Variants in MAPT observed in about 807,000 individuals in gnomAD.
MAPT encodes microtubule associated protein tau.
In MAPT, 34 loss-of-function variants were observed where a neutral mutation model predicts 67.9. That is an observed-to-expected ratio of 0.50 (90% CI 0.38 to 0.67). The LOEUF (loss-of-function observed/expected upper bound fraction) is 0.67, where lower values mean the gene tolerates loss of function less well. MAPT is among the 30% of genes least tolerant of loss of function. The pLI is 0.00. For synonymous variants in MAPT, 456 were observed against 464.5 expected (o/e 0.98, Z 0.23); for missense variants, 881 against 1,115.2 (o/e 0.79, Z 2.99).
At chr17:45,974,441 C>T in intron 3 of MAPT, 2 of 1,609,500 alleles carry the variant, frequency 1.2e-6, no homozygotes, top group Non-Finnish European at 1.7e-6. Context: ...TGCCGCGCAG[C>T]CCCACACGGA....
chr17:45,974,194 G>A, intron 3 of MAPT: 1 of 626,970 alleles, frequency 1.6e-6, no homozygotes. Flanking sequence ...GAACCACTCA[G>A]CAGCATGTCA....
intron 1 of MAPT, among the ~76,000 whole-genome samples, chr17:45,960,718 G>A (rs956888539): frequency 6.6e-6 from 1 of 152,012 alleles, no homozygotes; most frequent in Non-Finnish European, 1.5e-5. Flanking sequence ...TTTGAGAGGC[G>A]GATATGGGAG....
In MAPT at chr17:45,971,627, C is replaced by T. The variant is rs756094767; in HGVS notation, c.134-232C>T. 5.3e-5 allele frequency among the ~76,000 whole-genome samples: 8 copies of T among 152,222 alleles called. No homozygotes were observed. Among genetic ancestry groups the T allele is most frequent in the Middle Eastern group, 3.2e-3 (1 of 316 alleles). ...CTTTGTCCTTTCACCCAGGAGCAAA[C>T]GCACATCACCTGTGTCCTCATCTGA... On this transcript the variant is annotated intron_variant, in intron 2 of 12. Coordinates refer to ENST00000262410, the MANE Select transcript of MAPT (RefSeq NM_001377265.1). The surrounding 1 kb of genome is among the most constrained non-coding windows in gnomAD (Gnocchi z 4.3).
chr17:45,941,713 T>G lies in MAPT; in HGVS notation c.-17-20608T>G, dbSNP rs367781587. Among the ~76,000 whole-genome samples, 658 of 111,008 alleles carry G rather than the reference T, an allele frequency of 5.9e-3. 28 individuals are homozygous for G. Among genetic ancestry groups the G allele is most frequent in the African/African-American group, 0.017 (427 of 25,014 alleles). 72.8% of individuals were successfully genotyped at this position (111,008 alleles called of 152,430 possible). On this transcript the variant is annotated intron_variant, in intron 1 of 12. Coordinates refer to ENST00000262410, the MANE Select transcript of MAPT (RefSeq NM_001377265.1). ...TTCCTTCCTTCCTGCCTGCCTTCCTTCCTTCCTTCCTTCCTTCCTTCCTTC... is the reference window on the plus strand; with the variant it reads ...TTCCTTCCTTCCTGCCTGCCTTCCTGCCTTCCTTCCTTCCTTCCTTCCTTC...
chr17:45,956,966 A>G (rs973264994), intron 1 of MAPT, among the ~76,000 whole-genome samples: 1 of 151,794 alleles, frequency 6.6e-6, no homozygotes, highest in Non-Finnish European at 1.5e-5. Flanking sequence ...CATGGTGTAT[A>G]TGTGCCACAT....
At chr17:46,013,743 G>T (rs540290402) in intron 10 of MAPT, among the ~76,000 whole-genome samples, 1 of 152,064 alleles carries the variant, frequency 6.6e-6, no homozygotes, top group Admixed American at 6.6e-5. Flanking sequence ...CCCTCACAGC[G>T]CCTCCCCTCT....
intron 9 of MAPT, among the ~76,000 whole-genome samples, chr17:46,003,429 C>T (rs547325241): frequency 4.8e-4 from 73 of 152,194 alleles, no homozygotes; most frequent in African/African-American, 1.8e-3. Context: ...CAAGCACACA[C>T]CACCATGCCT....
intron 2 of MAPT, among the ~76,000 whole-genome samples, chr17:45,964,442 G>A (rs2070821254): frequency 6.7e-6 from 1 of 148,216 alleles, no homozygotes. Flanking sequence ...CACTTTGGGA[G>A]GCTGCGGCAG....
intron 8 of MAPT, among the ~76,000 whole-genome samples, chr17:45,993,178 C>T (rs1054413121): frequency 3.5e-4 from 54 of 152,352 alleles, no homozygotes; most frequent in Admixed American, 1.2e-3. Context: ...CCACCTGCTG[C>T]GTGTCTTTGC....
At chr17:46,023,298 T>G (rs1334331669) in intron 12 of MAPT, among the ~76,000 whole-genome samples, 1 of 152,238 alleles carries the variant, frequency 6.6e-6, no homozygotes, top group Non-Finnish European at 1.5e-5. Flanking sequence ...CTGTAATCAC[T>G]AAAGGCGGGA....
Position 45,996,701 on chromosome 17 carries a change from C to T in MAPT, c.1998+37C>T. ...TGGCTGCGCGTGGAGGTGTGGGGGG[C>T]TGCGCCTGGAGGGGTAGGGCTGTGC... is the stretch of plus-strand genomic sequence containing the variant. On this transcript the variant is annotated intron_variant, in intron 9 of 12. Coordinates refer to ENST00000262410, the MANE Select transcript of MAPT (RefSeq NM_001377265.1). The surrounding 1 kb of genome is among the most constrained non-coding windows in gnomAD (Gnocchi z 4.5). 2.5e-6 allele frequency: 4 copies of T among 1,609,276 alleles called. No homozygotes were observed. The South Asian group carries it at 4.4e-5, about 18-fold the overall frequency.
chr17:45,933,844 T>TC (rs1351255062), intron 1 of MAPT, among the ~76,000 whole-genome samples: 1 of 150,432 alleles, frequency 6.6e-6, no homozygotes, highest in Non-Finnish European at 1.5e-5. Flanking sequence ...TTTCTGATTT[T>TC]TTTTTTTTTT....
In MAPT at chr17:45,916,422, G is replaced by C. The variant is rs181126165; in HGVS notation, c.-18+21736G>C. 2.1e-3 allele frequency among the ~76,000 whole-genome samples: 317 copies of C among 152,270 alleles called. 7 individuals are homozygous for C. Among genetic ancestry groups the C allele is most frequent in the Admixed American group, 0.017 (265 of 15,300 alleles). ...AACCCTGAACTCCCCAGAACTGTGA[G>C]GTGGGAGAACCCCGAGAGGCCACCT... On this transcript the variant is annotated intron_variant, in intron 1 of 12. Transcript: ENST00000262410.
Position 46,010,446 on chromosome 17 carries a change from T to G in MAPT, c.2091+44T>G. On this transcript the variant is annotated intron_variant, in intron 10 of 12. Transcript: ENST00000262410. The surrounding 1 kb of genome is among the most constrained non-coding windows in gnomAD (Gnocchi z 4.7). ...CCCATGCGCCGTGCTGTGGCTTGAA[T>G]TATTAGGAAGTGGTGTGAGTGCGTA... 1 of 1,369,652 alleles carries G rather than the reference T, an allele frequency of 7.3e-7. No homozygotes were observed. The highest frequency in any genetic ancestry group is 1.0e-6 in the Non-Finnish European group (1 of 980,150). The allele number at this position is 1,369,652 out of a possible 1,614,324, so 84.8% of individuals were successfully genotyped here.
At chr17:45,955,814 C>T (rs1002209129) in intron 1 of MAPT, among the ~76,000 whole-genome samples, 13 of 152,136 alleles carry the variant, frequency 8.5e-5, no homozygotes, top group African/African-American at 3.1e-4. Context: ...CAGCTCACTG[C>T]AACCTCCGCC....
At chr17:45,912,367 G>A (rs1305738938) in intron 1 of MAPT, among the ~76,000 whole-genome samples, 1 of 152,230 alleles carries the variant, frequency 6.6e-6, no homozygotes, top group Non-Finnish European at 1.5e-5. Context: ...GGATTATCCT[G>A]TATTATCTAG....
At chr17:45,941,600 TTCCTTCCCTCCCTCCCCCCTTCCC>T (rs1452122784) in intron 1 of MAPT, among the ~76,000 whole-genome samples, 1 of 131,322 alleles carries the variant, frequency 7.6e-6, no homozygotes, top group Non-Finnish European at 1.6e-5. Context: ...CCTTCCTTCC[TTCCTTCCCTCCCTCCCCCCTTCCC>T]TCCTTCCCTC....
intron 1 of MAPT, among the ~76,000 whole-genome samples, chr17:45,948,297 A>T (rs1198518389): frequency 1.3e-5 from 2 of 149,834 alleles, no homozygotes. Context: ...GAGCCACCGC[A>T]CCCAGCCCTC....
intron 11 of MAPT, among the ~76,000 whole-genome samples, chr17:46,016,616 A>G (rs2076198291): frequency 6.7e-6 from 1 of 149,506 alleles, no homozygotes; most frequent in African/African-American, 2.5e-5. Context: ...CTAAAAATAC[A>G]AAAAATTAGC....
Sources: allele counts gnomAD v4.1 joint callset (sites outside exome capture counted in the v4.1 genomes callset), GRCh38; gene constraint gnomAD v4.1.1; non-coding constraint Gnocchi (gnomAD v3.1); transcripts MANE v1.5; gene names NCBI Gene and HGNC (gene_info 2026-07-23, HGNC 2026-07-21).